The following ATP8A2 variants were observed in gnomAD, a reference collection of about 807,000 sequenced individuals.
ATP8A2 encodes the protein ATPase phospholipid transporting 8A2.
In ATP8A2, 100 loss-of-function variants were observed where a neutral mutation model predicts 165.6. The observed-to-expected ratio is 0.60, with a 90% CI of 0.51 to 0.71. The LOEUF (loss-of-function observed/expected upper bound fraction) is 0.71. Among genes scored for constraint, ATP8A2 ranks in the 30% least tolerant of loss-of-function variants. The pLI, the probability that ATP8A2 is intolerant of heterozygous loss-of-function variation, is 0.00. For synonymous variants in ATP8A2, 543 were observed against 548.8 expected, an observed-to-expected ratio of 0.99 and a Z score of 0.15; for missense variants, 1,227 against 1,479.5, an observed-to-expected ratio of 0.83 and a Z score of 2.80.
At chr13:26,000,918 T>C (rs1471235378) in intron 35 of ATP8A2, among the ~76,000 whole-genome samples, 1 of 152,196 alleles carries the variant, frequency 6.6e-6, no homozygotes, top group African/African-American at 2.4e-5. Context: ...TAGTTTGCCA[T>C]ACATGGCAGT....
At chr13:25,973,139 G>A (rs924559256) in intron 35 of ATP8A2, among the ~76,000 whole-genome samples, 4 of 152,172 alleles carry the variant, frequency 2.6e-5, no homozygotes, top group African/African-American at 9.7e-5. Flanking sequence ...GCCTTTGCCA[G>A]GAAGGCAGTG....
At chr13:25,667,717 A>T (rs920974647) in intron 24 of ATP8A2, among the ~76,000 whole-genome samples, 2 of 151,696 alleles carry the variant, frequency 1.3e-5, no homozygotes, top group African/African-American at 2.4e-5. Flanking sequence ...AATATGTGTA[A>T]CCTTTTATGC....
At chr13:25,932,728 G>A (rs1422955718) in intron 33 of ATP8A2, among the ~76,000 whole-genome samples, 1 of 152,164 alleles carries the variant, frequency 6.6e-6, no homozygotes, top group Non-Finnish European at 1.5e-5. Context: ...AAAGCCTGCT[G>A]GGGAAGTCAG....
At chr13:25,646,938 G>A (rs1291367638) in intron 24 of ATP8A2, among the ~76,000 whole-genome samples, 1 of 152,058 alleles carries the variant, frequency 6.6e-6, no homozygotes, top group Non-Finnish European at 1.5e-5. Context: ...TTCACATGGA[G>A]CATATTATAC....
At chr13:25,675,942 A>G (rs2042363563) in intron 24 of ATP8A2, among the ~76,000 whole-genome samples, 1 of 152,240 alleles carries the variant, frequency 6.6e-6, no homozygotes, top group South Asian at 2.1e-4. Context: ...TCATATATTA[A>G]TAGAAATGAA....
At chr13:25,632,090 C>T (rs990574088) in intron 24 of ATP8A2, among the ~76,000 whole-genome samples, 2 of 152,084 alleles carry the variant, frequency 1.3e-5, no homozygotes, top group Non-Finnish European at 2.9e-5. Flanking sequence ...ACTTTACTTA[C>T]ATTTTCATAT....
chr13:25,468,658 G>C (rs533694989), intron 1 of ATP8A2, among the ~76,000 whole-genome samples: 1 of 152,068 alleles, frequency 6.6e-6, no homozygotes, highest in Non-Finnish European at 1.5e-5. Context: ...CAAGCAGCTT[G>C]GGCGTCCAGC....
At chr13:26,019,464 G>A (rs1343698484) in intron 36 of ATP8A2, among the ~76,000 whole-genome samples, 5 of 152,232 alleles carry the variant, frequency 3.3e-5, no homozygotes, top group South Asian at 2.1e-4. Context: ...AGTGTTGTGT[G>A]TGTGTTTCCC....
rs1025715708 is a variant in ATP8A2, at chr13:25,513,834, G to C, written c.222-16165G>C. On this transcript the variant is annotated intron_variant, in intron 2 of 36. Transcript: ENST00000381655. ...CAGTCAGGCGTGGCGGCGCGCGCCT[G>C]CAATCGCAGGCACTTGGCAGGCTGA... Among the ~76,000 whole-genome samples the C allele has an allele frequency of 5.3e-5, 8 of 152,346 alleles. No homozygotes were observed. In the East Asian group the frequency reaches 1.5e-3, roughly 29 times the overall value.
rs9740054 is a variant in ATP8A2, at chr13:25,553,683, G to T, written c.1058-110G>T. 3.3e-5 allele frequency: 37 copies of T among 1,136,062 alleles called. No homozygotes were observed. In the African/African-American group the frequency reaches 3.9e-4, roughly 12 times the overall value. The allele number at this position is 1,136,062 out of a possible 1,614,324, so 70.4% of individuals were successfully genotyped here. A position where few individuals can be genotyped will look rare whatever the true frequency, so the allele number is the denominator to read the frequency against. On this transcript the variant is annotated intron_variant, in intron 11 of 36. Transcript: ENST00000381655. Reference sequence around the variant, plus strand: ...TACAGAAAGCAGCCTTTGAACTCACGGTTCCTGACATGCAGGAGGTGCTCA... The same window carrying T: ...TACAGAAAGCAGCCTTTGAACTCACTGTTCCTGACATGCAGGAGGTGCTCA...
At chr13:25,985,396 T>C (rs906766865) in intron 35 of ATP8A2, among the ~76,000 whole-genome samples, 1 of 152,240 alleles carries the variant, frequency 6.6e-6, no homozygotes, top group African/African-American at 2.4e-5. Flanking sequence ...TCATGGTTCC[T>C]TAAAGTCTTT....
rs2038494288 is a variant in ATP8A2, at chr13:25,542,004, A to G, written c.737A>G (p.His246Arg). ...GTIECEGPNR[H>R]LYDFTGNLNL... ...ATAGAGTGTGAAGGGCCCAACCGCC[A>G]CCTCTATGACTTCACTGGAAACTTG... The change falls in exon 9 of 37, where the codon CAC becomes CGC. Residue 246 changes from histidine to arginine, a missense_variant. Coordinates refer to ENST00000381655, the MANE Select transcript of ATP8A2 (RefSeq NM_016529.6). 2 of 1,614,034 alleles carry G rather than the reference A, an allele frequency of 1.2e-6. No homozygotes were observed. Among genetic ancestry groups the G allele is most frequent in the Non-Finnish European group, 1.7e-6 (2 of 1,179,930 alleles).
At chr13:25,939,170 G>A (rs1047188118) in intron 33 of ATP8A2, among the ~76,000 whole-genome samples, 2 of 152,056 alleles carry the variant, frequency 1.3e-5, no homozygotes, top group African/African-American at 4.8e-5. Flanking sequence ...TGCCTCATGG[G>A]AACTACTCTC....
chr13:25,449,390 T>G (rs1404485958), intron 1 of ATP8A2, among the ~76,000 whole-genome samples: 14 of 152,236 alleles, frequency 9.2e-5, no homozygotes, highest in Non-Finnish European at 1.3e-4. Context: ...AGTATGGAGA[T>G]TCCCCAGAGA....
intron 2 of ATP8A2, among the ~76,000 whole-genome samples, chr13:25,489,427 T>C (rs898889587): frequency 1.3e-5 from 2 of 152,240 alleles, no homozygotes; most frequent in Non-Finnish European, 2.9e-5. Context: ...CTCCACCGTT[T>C]GCAGGCGGAG....
At chr13:25,377,340 A>T (rs1031350853) in intron 1 of ATP8A2, among the ~76,000 whole-genome samples, 3 of 152,220 alleles carry the variant, frequency 2.0e-5, no homozygotes, top group Non-Finnish European at 4.4e-5. Context: ...AATAAAAGTG[A>T]TCTCACTTCC....
intron 1 of ATP8A2, among the ~76,000 whole-genome samples, chr13:25,380,287 T>C (rs928085871): frequency 5.3e-5 from 8 of 152,300 alleles, no homozygotes; most frequent in African/African-American, 1.9e-4. Context: ...GTCTAATATT[T>C]GTCCTTTAGA....
chr13:25,541,528 G>A (rs536277646), intron 8 of ATP8A2, among the ~76,000 whole-genome samples: 36 of 152,180 alleles, frequency 2.4e-4, no homozygotes, highest in African/African-American at 8.7e-4. Flanking sequence ...GTCTCTTAAA[G>A]AAAAAGTGAA....
intron 1 of ATP8A2, among the ~76,000 whole-genome samples, chr13:25,407,199 ACCAAGGC>A (rs2033828623): frequency 6.6e-6 from 1 of 152,216 alleles, no homozygotes; most frequent in Admixed American, 6.5e-5. Context: ...GCTGATAAGT[ACCAAGGC>A]CTGCAAGCCA....
Sources: gnomAD v4.1 joint callset for allele counts (sites outside exome capture counted in the v4.1 genomes callset) on GRCh38, gnomAD v4.1.1 for gene constraint, MANE v1.5 for transcripts, NCBI Gene and HGNC (gene_info 2026-07-23, HGNC 2026-07-21) for gene names.